Variants in PTTG1IP2 observed in about 807,000 individuals in gnomAD.
PTTG1IP2 encodes PTTG1IP family member 2.
At chr7:90,484,123 G>A (rs1172599212) in intron 2 of PTTG1IP2, among the ~76,000 whole-genome samples, 1 of 149,398 alleles carries the variant, frequency 6.7e-6, no homozygotes, top group Non-Finnish European at 1.5e-5. Context: ...TTCTTTACTT[G>A]TTTATTTCTG....
chr7:90,475,100 T>G (rs977764155), intron 1 of PTTG1IP2, among the ~76,000 whole-genome samples: 2 of 152,132 alleles, frequency 1.3e-5, no homozygotes, highest in Non-Finnish European at 2.9e-5. Flanking sequence ...CATGGAGCAA[T>G]GCAATGTATC....
intron 4 of PTTG1IP2, among the ~76,000 whole-genome samples, chr7:90,489,866 A>G (rs1797919341): frequency 2.0e-5 from 3 of 151,984 alleles, no homozygotes; most frequent in African/African-American, 7.2e-5. Context: ...GCTACATTTC[A>G]GCTTACTTCA....
At chr7:90,472,862 G>A (rs981950336) in intron 1 of PTTG1IP2, among the ~76,000 whole-genome samples, 2 of 152,142 alleles carry the variant, frequency 1.3e-5, no homozygotes, top group Non-Finnish European at 2.9e-5. Context: ...TTGACCAGCA[G>A]GCAGGTATTA....
At chr7:90,486,178 TG>T (rs1161908376) in intron 2 of PTTG1IP2, among the ~76,000 whole-genome samples, 1 of 151,560 alleles carries the variant, frequency 6.6e-6, no homozygotes, top group Non-Finnish European at 1.5e-5. Flanking sequence ...AAGAAGTGAT[TG>T]GGTGGGGTCT....
intron 6 of PTTG1IP2, among the ~76,000 whole-genome samples, chr7:90,498,025 A>AC (rs1330920112): frequency 1.7e-4 from 25 of 145,182 alleles, no homozygotes; most frequent in African/African-American, 5.1e-4. Flanking sequence ...TGATGAATGA[A>AC]CCCCCCCTTT....
intron 3 of PTTG1IP2, among the ~76,000 whole-genome samples, chr7:90,487,758 A>G (rs762347877): frequency 6.6e-6 from 1 of 152,226 alleles, no homozygotes; most frequent in African/African-American, 2.4e-5. Context: ...TTGGCATACC[A>G]GTAGCTAAAT....
chr7:90,487,090 G>T (rs1003425453), intron 2 of PTTG1IP2, among the ~76,000 whole-genome samples: 1 of 152,158 alleles, frequency 6.6e-6, no homozygotes, highest in Non-Finnish European at 1.5e-5. Flanking sequence ...GGTCCCTATC[G>T]TCGTCCAAGA....
At chr7:90,479,624 A>G (rs1177563983) in intron 2 of PTTG1IP2, among the ~76,000 whole-genome samples, 1 of 152,220 alleles carries the variant, frequency 6.6e-6, no homozygotes, top group Non-Finnish European at 1.5e-5. Flanking sequence ...TCCCACTTCT[A>G]TTTCCTAAAG....
intron 2 of PTTG1IP2, among the ~76,000 whole-genome samples, chr7:90,485,140 G>A (rs1251485165): frequency 6.6e-6 from 1 of 152,144 alleles, no homozygotes; most frequent in South Asian, 2.1e-4. Context: ...CAGTAGAAAA[G>A]GGTGTGATTA....
chr7:90,499,811 C>T (rs924656530), intron 6 of PTTG1IP2, among the ~76,000 whole-genome samples: 1 of 152,032 alleles, frequency 6.6e-6, no homozygotes, highest in Non-Finnish European at 1.5e-5. Context: ...TTGAACTCCT[C>T]ACCTCAAGTG....
intron 6 of PTTG1IP2, among the ~76,000 whole-genome samples, chr7:90,502,210 T>G (rs1417913926): frequency 2.6e-5 from 4 of 152,202 alleles, no homozygotes; most frequent in African/African-American, 9.7e-5. Flanking sequence ...AGTGAAGTCC[T>G]TCTCCCCAAG....
chr7:90,500,215 G>GAAAC (rs1396965290), intron 6 of PTTG1IP2, among the ~76,000 whole-genome samples: 3 of 152,040 alleles, frequency 2.0e-5, no homozygotes, highest in African/African-American at 7.2e-5. Flanking sequence ...CTCTGTCTCA[G>GAAAC]AAACAAACAA....
At chr7:90,476,345 A>C (rs1386118735) in intron 1 of PTTG1IP2, among the ~76,000 whole-genome samples, 1 of 152,218 alleles carries the variant, frequency 6.6e-6, no homozygotes, top group African/African-American at 2.4e-5. Flanking sequence ...TGGAAGTTTA[A>C]CTGCTATTAA....
At chr7:90,490,663 A>G (rs1176537698) in intron 4 of PTTG1IP2, among the ~76,000 whole-genome samples, 1 of 152,140 alleles carries the variant, frequency 6.6e-6, no homozygotes, top group Admixed American at 6.5e-5. Flanking sequence ...GGCACATTAC[A>G]TATGTGGCAA....
intron 6 of PTTG1IP2, among the ~76,000 whole-genome samples, chr7:90,497,713 TA>T (rs1798011245): frequency 6.0e-5 from 3 of 49,596 alleles, no homozygotes; most frequent in South Asian, 2.0e-3. Context: ...AAAGACCCTG[TA>T]TAAAAAAAAA....
intron 6 of PTTG1IP2, among the ~76,000 whole-genome samples, chr7:90,504,188 G>A (rs1283855017): frequency 6.6e-6 from 1 of 152,026 alleles, no homozygotes; most frequent in Non-Finnish European, 1.5e-5. Flanking sequence ...ATGGTGGTGG[G>A]TGCCTGTAAT....
intron 1 of PTTG1IP2, among the ~76,000 whole-genome samples, chr7:90,474,738 C>A (rs1797727823): frequency 6.6e-6 from 1 of 152,132 alleles, no homozygotes; most frequent in Non-Finnish European, 1.5e-5. Context: ...CTCACCCACA[C>A]CACAGAGGTG....
At chr7:90,477,854 T>C (rs866731023) in intron 1 of PTTG1IP2, among the ~76,000 whole-genome samples, 2 of 151,936 alleles carry the variant, frequency 1.3e-5, no homozygotes, top group Non-Finnish European at 2.9e-5. Context: ...ATCCCAGCAT[T>C]TGGGAGGCTG....
rs140798136 is a variant in PTTG1IP2 at position 90,509,801 on chromosome 7, G to C, written c.*51-3477G>C. Among the ~76,000 whole-genome samples the C allele has an allele frequency of 2.8e-4, 43 of 152,300 alleles. No homozygotes were observed. In the East Asian group the frequency reaches 7.7e-3, roughly 27 times the overall value. On this transcript the variant is annotated intron_variant, in intron 6 of 6. Coordinates refer to ENST00000509356, the MANE Select transcript of PTTG1IP2 (RefSeq NM_001365443.2). ...CTGGGACACACAGTGCTGAGGTGCA[G>C]TATAAGGGTGGTCAGGAGCACCAAA...
Sources: allele counts gnomAD v4.1 joint callset (sites outside exome capture counted in the v4.1 genomes callset), GRCh38; gene constraint gnomAD v4.1.1; transcripts MANE v1.5; gene names NCBI Gene and HGNC (gene_info 2026-07-23, HGNC 2026-07-21).